PLXND1: variants seen among roughly 807,000 people sequenced by gnomAD.
PLXND1 encodes plexin-D1.
PLXND1 carries 54 observed loss-of-function variants against 197.7 expected under a neutral mutation model. The observed-to-expected ratio is 0.27, with a 90% CI of 0.22 to 0.34. PLXND1 has a LOEUF of 0.34. Among genes scored for constraint, PLXND1 ranks in the 10% least tolerant of loss-of-function variants. The pLI, the probability that PLXND1 is intolerant of heterozygous loss-of-function variation, is 1.00. For missense variants in PLXND1, 2,127 were observed against 2,699.2 expected, an observed-to-expected ratio of 0.79 and a Z score of 4.70; for synonymous variants, 1,180 against 1,161.2, an observed-to-expected ratio of 1.02 and a Z score of -0.33.
chr3:129,595,949 T>A (rs2811447), intron 1 of PLXND1, among the ~76,000 whole-genome samples: 42,261 of 84,618 alleles, frequency 0.5, 6,801 homozygotes, highest in East Asian at 0.8. Context: ...ACACACACAC[T>A]CTTGCTGCGT....
intron 1 of PLXND1, among the ~76,000 whole-genome samples, chr3:129,595,377 C>A (rs1212508277): frequency 2.0e-5 from 3 of 152,206 alleles, no homozygotes; most frequent in Non-Finnish European, 4.4e-5. Flanking sequence ...CTGGCAGCAG[C>A]CCCCATGCCA....
At position 129,569,903 on chromosome 3, in the gene PLXND1, C is replaced by G. The variant is rs770678368; in HGVS notation, c.3805G>C (p.Glu1269Gln). ...ACGATGGACACGATGATGGCCGTCTCGCTGCCCCCCAGCTGCAGTGTGGCG... is the reference window on the plus strand; with the variant it reads ...ACGATGGACACGATGATGGCCGTCTGGCTGCCCCCCAGCTGCAGTGTGGCG... ...TIATLQLGGS[E>Q]TAIIVSIVIC... Residue 1269 changes from glutamate to glutamine, a missense_variant, in exon 20 of 36, where the codon GAG becomes CAG. Physicochemically the swap from Glu to Gln is conservative, Grantham distance 29 (BLOSUM62 2). This residue lies in a region of PLXND1 where 532 missense variants were observed against 811.0 expected (regional missense o/e 0.66). Coordinates refer to ENST00000324093, the MANE Select transcript of PLXND1 (RefSeq NM_015103.3). The G allele has an allele frequency of 2.5e-6, 4 of 1,613,498 alleles. No homozygotes were observed. In the South Asian group the frequency reaches 3.3e-5, roughly 13 times the overall value.
chr3:129,562,746 G>C, intron 27 of PLXND1, 41 bp downstream of exon 27: 1 of 1,562,874 alleles, frequency 6.4e-7, no homozygotes, highest in South Asian at 1.2e-5. Context: ...AGCCCCGGCT[G>C]AAGCGCCTGA....
At chr3:129,605,289 C>A in intron 1 of PLXND1, 40 bp downstream of exon 1, 1 of 992,368 alleles carries the variant, frequency 1.0e-6, no homozygotes, top group Non-Finnish European at 1.3e-6. Context: ...CCGCCCCCGC[C>A]GCCGCCGCCG....
chr3:129,578,003 G>C (rs1185056353), intron 9 of PLXND1, among the ~76,000 whole-genome samples: 1 of 152,180 alleles, frequency 6.6e-6, no homozygotes, highest in African/African-American at 2.4e-5. Flanking sequence ...GGGAGGACAG[G>C]ATAGGGCAGC....
intron 31 of PLXND1, 118 bp downstream of exon 31, chr3:129,560,212 A>G (rs181327497): frequency 3.5e-5 from 23 of 662,956 alleles, no homozygotes; most frequent in Admixed American, 2.9e-4. Flanking sequence ...GGAAACAGGA[A>G]GAACTCACAC....
rs759261226 is a variant in PLXND1, at chr3:129,574,336, C to T, written c.2685G>A (p.Ala895=). ...AGTCPAPEIH[A]IEPLSGPLDG... ...ACGTGCCTCCACTGGGCATGCTTAC[C>T]GCGTGGATCTCGGGGGCGGGGCAGG... Residue 895 remains alanine, a splice_region_variant and synonymous_variant, in exon 12 of 36, where the codon GCG becomes GCA. Coordinates refer to ENST00000324093, the MANE Select transcript of PLXND1 (RefSeq NM_015103.3). The T allele has an allele frequency of 8.2e-6, 13 of 1,595,064 alleles. No individual in the cohort carries two copies. The highest frequency in any genetic ancestry group is 2.3e-5 in the South Asian group (2 of 88,558).
Position 129,569,939 on chromosome 3 carries a change from T to TGAA in PLXND1, c.3766_3768dup (p.Phe1256dup), listed in dbSNP as rs1560065135. ...AGCTGCAGTGTGGCGATGGTCTGGT[T>TGAA]GAAGTTCCCTACCTGGATCTGTGCA... On this transcript the variant is annotated inframe_insertion, in exon 20 of 36. Coordinates refer to ENST00000324093, the MANE Select transcript of PLXND1 (RefSeq NM_015103.3). 1 of 1,608,964 alleles carries TGAA rather than the reference T, an allele frequency of 6.2e-7. No individual in the cohort carries two copies. Among genetic ancestry groups the TGAA allele is most frequent in the East Asian group, 2.2e-5 (1 of 44,860 alleles).
Position 129,565,555 on chromosome 3 carries a change from G to C in PLXND1, c.4323-17C>G, listed in dbSNP as rs370428698. The C allele has an allele frequency of 6.2e-7, 1 of 1,607,358 alleles. No individual in the cohort carries two copies. The highest frequency in any genetic ancestry group is 1.3e-5 in the African/African-American group (1 of 74,810). On this transcript the variant is annotated splice_polypyrimidine_tract_variant and intron_variant, in intron 24 of 35. Transcript: ENST00000324093. ...AGGCTGCACCTGTGAGCGGGAGGCA[G>C]GTGTCAACTGCACCTTGAGGCCCTA...
chr3:129,558,804 C>T lies in PLXND1; in HGVS notation c.5298-229G>A. ...GCAAGGCAGGAGCTACAGGGCTTAG[C>T]TGTACCCCCCAACCCCCTCCTGAGC... On this transcript the variant is annotated intron_variant, in intron 32 of 35. Coordinates refer to ENST00000324093, the MANE Select transcript of PLXND1 (RefSeq NM_015103.3). This position sits in a 1 kb window ranked among gnomAD's most constrained non-coding sequence, Gnocchi z 4.1. The T allele has an allele frequency of 3.9e-6, 2 of 515,674 alleles. No homozygotes were observed. Among genetic ancestry groups the T allele is most frequent in the Non-Finnish European group, 7.0e-6 (2 of 285,886 alleles). 31.9% of individuals were successfully genotyped at this position (515,674 alleles called of 1,614,324 possible).
Position 129,606,635 on chromosome 3 carries a change from G to C in PLXND1, c.5C>G (p.Ala2Gly), listed in dbSNP as rs2085800749. MAPRAAGGAPLS... is the reference protein window; with the variant it reads MGPRAAGGAPLS... The stretch of plus-strand genomic sequence containing the variant: ...GGGTGCGCCGCCCGCGGCGCGAGGA[G>C]CCATCCGGGCGTGCGCGGGCTGCGC... Residue 2 changes from alanine (A) to glycine (G), a missense_variant, in exon 1 of 36, where the codon GCT (alanine) becomes GGT (glycine). By Grantham distance (60) the Ala-to-Gly change is moderately conservative. Coordinates refer to ENST00000324093, the MANE Select transcript of PLXND1 (RefSeq NM_015103.3). The C allele has an allele frequency of 4.7e-6, 5 of 1,072,636 alleles. No homozygotes were observed. The highest frequency in any genetic ancestry group is 4.5e-6 in the Non-Finnish European group (4 of 887,028). 66.4% of individuals were successfully genotyped at this position (1,072,636 alleles called of 1,614,324 possible). A position where few individuals can be genotyped will look rare whatever the true frequency, so the allele number is the denominator to read the frequency against.
intron 9 of PLXND1, among the ~76,000 whole-genome samples, 157 bp from the exon 10 acceptor site, chr3:129,576,012 C>A (rs1001379168): frequency 2.6e-5 from 4 of 152,360 alleles, no homozygotes; most frequent in African/African-American, 9.6e-5. Context: ...CCCAAAATCC[C>A]CTTCCTGGCC....
At chr3:129,581,590 T>C (rs1196593214) in intron 8 of PLXND1, among the ~76,000 whole-genome samples, 1 of 152,110 alleles carries the variant, frequency 6.6e-6, no homozygotes, top group Non-Finnish European at 1.5e-5. Flanking sequence ...AAGTATAGAG[T>C]TGGTATCTTA....
chr3:129,589,734 G>A (rs2085511159), intron 1 of PLXND1, among the ~76,000 whole-genome samples: 1 of 152,186 alleles, frequency 6.6e-6, no homozygotes, highest in African/African-American at 2.4e-5. Context: ...TGGTTACAGA[G>A]CTGTTCCAAG....
chr3:129,563,332 C>T, intron 25 of PLXND1, 92 bp from the exon 26 acceptor site: 1 of 1,062,630 alleles, frequency 9.4e-7, no homozygotes, highest in Non-Finnish European at 1.3e-6. Flanking sequence ...CGTCCCCCAA[C>T]CCCTCCAACA....
chr3:129,592,646 G>T (rs1448220884), intron 1 of PLXND1, among the ~76,000 whole-genome samples: 2 of 147,020 alleles, frequency 1.4e-5, no homozygotes, highest in African/African-American at 5.1e-5. Context: ...ACTTTCACAA[G>T]CCATTAATTC....
rs1273636761 is a variant in PLXND1, at chr3:129,566,664, G to A, written c.4087-33C>T. 3.7e-6 allele frequency: 5 copies of A among 1,345,932 alleles called. No individual in the cohort carries two copies. In the African/African-American group the frequency reaches 7.1e-5, roughly 19 times the overall value. The allele number at this position is 1,345,932 out of a possible 1,614,324, so 83.4% of individuals were successfully genotyped here. On this transcript the variant is annotated intron_variant, in intron 22 of 35. Transcript: ENST00000324093. Reference sequence around the variant, plus strand: ...GGCAGACCCCCAGCATCTCAGCGGGGCTGGACACCCCCTGCTGGCATGGAA... The same window carrying A: ...GGCAGACCCCCAGCATCTCAGCGGGACTGGACACCCCCTGCTGGCATGGAA...
chr3:129,600,772 C>A (rs1424822166), intron 1 of PLXND1, among the ~76,000 whole-genome samples: 4 of 151,930 alleles, frequency 2.6e-5, no homozygotes, highest in Non-Finnish European at 4.4e-5. Context: ...AAATGTAAAG[C>A]CCATCTTGGA....
At chr3:129,572,110 A>G (rs1431676590) in intron 15 of PLXND1, among the ~76,000 whole-genome samples, 1 of 152,098 alleles carries the variant, frequency 6.6e-6, no homozygotes, top group Non-Finnish European at 1.5e-5. Context: ...CAGATCCCTG[A>G]AGGCACTGAC....
Sources: gnomAD v4.1 joint callset for allele counts (sites outside exome capture counted in the v4.1 genomes callset) on GRCh38, gnomAD v4.1.1 for gene constraint, gnomAD v4.1.1 regional missense constraint, Gnocchi (gnomAD v3.1) non-coding constraint, MANE v1.5 for transcripts, NCBI Gene and HGNC (gene_info 2026-07-23, HGNC 2026-07-21) for gene names.